LPP: variants seen among roughly 807,000 people sequenced by gnomAD.
The protein encoded by LPP is lipoma-preferred partner.
Under a neutral mutation model 60.4 loss-of-function variants are expected in LPP, and 38 were observed. That is an observed-to-expected ratio of 0.63 (90% confidence interval 0.49 to 0.83). The LOEUF (loss-of-function observed/expected upper bound fraction) is 0.83. LPP is among the 40% of genes least tolerant of loss of function. LPP has a pLI of 0.00. For missense variants in LPP, 902 were observed against 783.6 expected (o/e 1.15, Z -1.80); for synonymous variants, 328 against 290.8 (o/e 1.13, Z -1.30).
At chr3:188,375,400 G>T (rs1008331854) in intron 3 of LPP, among the ~76,000 whole-genome samples, 1 of 152,128 alleles carries the variant, frequency 6.6e-6, no homozygotes, top group Admixed American at 6.5e-5. Context: ...TTATTGGTCT[G>T]TTCAGAGATT....
intron 7 of LPP, among the ~76,000 whole-genome samples, chr3:188,624,549 G>A (rs1256074094): frequency 2.6e-5 from 4 of 152,172 alleles, no homozygotes; most frequent in Non-Finnish European, 5.9e-5. Context: ...CCATATTTGG[G>A]AGAACCATGG....
At chr3:188,347,943 G>A (rs75797729) in intron 3 of LPP, among the ~76,000 whole-genome samples, 1 of 152,114 alleles carries the variant, frequency 6.6e-6, no homozygotes, top group South Asian at 2.1e-4. Flanking sequence ...CAAGAACAAG[G>A]CTTTATACCA....
At chr3:188,226,515 G>A (rs142300771) in intron 2 of LPP, among the ~76,000 whole-genome samples, 2 of 152,280 alleles carry the variant, frequency 1.3e-5, no homozygotes, top group Non-Finnish European at 2.9e-5. Flanking sequence ...AATGGGTAGA[G>A]TAGAACATTA....
At chr3:188,549,620 G>C (rs1305458310) in intron 6 of LPP, among the ~76,000 whole-genome samples, 1 of 152,038 alleles carries the variant, frequency 6.6e-6, no homozygotes, top group Non-Finnish European at 1.5e-5. Flanking sequence ...TTATCTCCTT[G>C]TCTCCAGAGT....
chr3:188,261,405 G>A (rs1395596895), intron 2 of LPP, among the ~76,000 whole-genome samples: 2 of 151,962 alleles, frequency 1.3e-5, no homozygotes, highest in East Asian at 1.9e-4. Context: ...GTGAATGACG[G>A]CATTTACAAT....
At position 188,382,635 on chromosome 3, in the gene LPP, C is replaced by T. The variant is rs927921908; in HGVS notation, c.-9-23477C>T. 3.3e-5 allele frequency among the ~76,000 whole-genome samples: 5 copies of T among 152,184 alleles called. No individual in the cohort carries two copies. In the South Asian group the frequency reaches 1.0e-3, roughly 31 times the overall value. On this transcript the variant is annotated intron_variant, in intron 3 of 11. Coordinates refer to ENST00000617246, the MANE Select transcript of LPP (RefSeq NM_001375462.1). ...CCTTTGGATTTTAAACGCCTTTGGA[C>T]ACTTTTCTTTTTAACCCTCCTTCAT...
intron 2 of LPP, among the ~76,000 whole-genome samples, chr3:188,245,248 G>C (rs1726484604): frequency 6.6e-6 from 1 of 151,548 alleles, no homozygotes. Flanking sequence ...AAGTAGCTGG[G>C]ATTACAGGCA....
At chr3:188,694,050 T>C (rs1862684725) in intron 7 of LPP, among the ~76,000 whole-genome samples, 1 of 152,210 alleles carries the variant, frequency 6.6e-6, no homozygotes, top group Non-Finnish European at 1.5e-5. Context: ...CCAGTGTCTT[T>C]TCTGTTTCTG....
In LPP at chr3:188,462,542, CTTTATATATATA is replaced by C. The variant is rs1477420268; in HGVS notation, c.194-22048_194-22037del. On this transcript the variant is annotated intron_variant, in intron 4 of 11. Transcript: ENST00000617246. Reference sequence around the variant, plus strand: ...TATAAATTTAGCCAATTTATATGAGCTTTATATATATATATATATATATATATATATATATAT... The same window carrying C: ...TATAAATTTAGCCAATTTATATGAGCTATATATATATATATATATATATAT... Among the ~76,000 whole-genome samples the C allele has an allele frequency of 1.4e-3, 92 of 64,292 alleles. 5 individuals are homozygous for C. The highest frequency in any genetic ancestry group is 4.0e-3 in the African/African-American group (66 of 16,556). The allele number at this position is 64,292 out of a possible 152,430, so 42.2% of individuals were successfully genotyped here.
At chr3:188,237,101 G>A (rs1182211873) in intron 2 of LPP, among the ~76,000 whole-genome samples, 2 of 151,982 alleles carry the variant, frequency 1.3e-5, no homozygotes, top group African/African-American at 4.8e-5. Context: ...ATTCAACGAT[G>A]CTCACAGCAT....
At chr3:188,504,205 T>C (rs111934205) in intron 5 of LPP, among the ~76,000 whole-genome samples, 10 of 152,318 alleles carry the variant, frequency 6.6e-5, no homozygotes, top group African/African-American at 2.2e-4. Context: ...TTCTTTCTTT[T>C]GCTGTTAAAT....
intron 3 of LPP, among the ~76,000 whole-genome samples, chr3:188,401,927 T>C (rs1215132768): frequency 6.6e-6 from 1 of 152,160 alleles, no homozygotes; most frequent in Non-Finnish European, 1.5e-5. Flanking sequence ...AATTGATGCA[T>C]AGTATGTTGG....
At chr3:188,838,543 C>T (rs1472434928) in intron 9 of LPP, among the ~76,000 whole-genome samples, 1 of 152,172 alleles carries the variant, frequency 6.6e-6, no homozygotes. Context: ...ATAGGTGCAG[C>T]TCCATTTCAT....
At chr3:188,583,478 T>C (rs887217520) in intron 6 of LPP, among the ~76,000 whole-genome samples, 2 of 152,182 alleles carry the variant, frequency 1.3e-5, no homozygotes, top group Non-Finnish European at 2.9e-5. Flanking sequence ...TCTGGTATAA[T>C]TTAGTTTAAA....
chr3:188,206,166 C>T (rs1358219482), intron 1 of LPP, among the ~76,000 whole-genome samples: 1 of 152,176 alleles, frequency 6.6e-6, no homozygotes, highest in Non-Finnish European at 1.5e-5. Flanking sequence ...ATCCCCGTCT[C>T]AGTGGGACAT....
intron 4 of LPP, among the ~76,000 whole-genome samples, chr3:188,436,568 G>T (rs1422525403): frequency 6.6e-6 from 1 of 152,084 alleles, no homozygotes; most frequent in Non-Finnish European, 1.5e-5. Context: ...CTTAGGACCC[G>T]ATATCTGTTC....
At chr3:188,730,596 A>T (rs1219187144) in intron 8 of LPP, among the ~76,000 whole-genome samples, 2 of 152,204 alleles carry the variant, frequency 1.3e-5, no homozygotes, top group East Asian at 1.9e-4. Flanking sequence ...TCCCTTTGTC[A>T]TTCTCAAACT....
Position 188,767,068 on chromosome 3 carries a change from T to C in LPP, c.1410+6786T>C, listed in dbSNP as rs373863454. 2.6e-5 allele frequency among the ~76,000 whole-genome samples: 4 copies of C among 152,178 alleles called. No individual in the cohort carries two copies. The South Asian group carries it at 8.3e-4, about 32-fold the overall frequency. ...GTCACCTACATATGCTTTCTGAAGG[T>C]TGATTCAAGGATATTTTCCAAAAGG... is the stretch of plus-strand genomic sequence containing the variant. On this transcript the variant is annotated intron_variant, in intron 9 of 11. Transcript: ENST00000617246.
chr3:188,243,053 C>G (rs1577502765), intron 2 of LPP, among the ~76,000 whole-genome samples: 1 of 152,244 alleles, frequency 6.6e-6, no homozygotes, highest in Admixed American at 6.5e-5. Context: ...CCAAAACAAT[C>G]TGGTTAGGAA....
Sources: gnomAD v4.1 joint callset for allele counts (sites outside exome capture counted in the v4.1 genomes callset) on GRCh38, gnomAD v4.1.1 for gene constraint, MANE v1.5 for transcripts, NCBI Gene and HGNC (gene_info 2026-07-23, HGNC 2026-07-21) for gene names.